Variants in PCDH7 observed in about 807,000 individuals in gnomAD.
PCDH7 encodes protocadherin 7.
In PCDH7, 17 loss-of-function variants were observed where a neutral mutation model predicts 58.9. The observed-to-expected ratio is 0.29, with a 90% CI of 0.20 to 0.43. PCDH7 has a LOEUF of 0.43. Ranked by LOEUF, PCDH7 falls within the 20% of genes least tolerant of loss-of-function variation. The probability of loss-of-function intolerance (pLI) is 1.00; values close to 1 mark genes in which losing one functional copy is unlikely to be tolerated. For synonymous variants in PCDH7, 664 were observed against 616.4 expected (o/e 1.08, Z -1.14); for missense variants, 1,274 against 1,441.0 (o/e 0.88, Z 1.88).
intron 3 of PCDH7, among the ~76,000 whole-genome samples, chr4:30,967,393 G>A (rs1165285840): frequency 1.3e-5 from 2 of 152,044 alleles, no homozygotes; most frequent in Non-Finnish European, 1.5e-5. Flanking sequence ...AGCAATTCTC[G>A]TGGTTGATAT....
At chr4:30,831,771 T>A (rs1729815868) in intron 1 of PCDH7, among the ~76,000 whole-genome samples, 1 of 152,146 alleles carries the variant, frequency 6.6e-6, no homozygotes, top group African/African-American at 2.4e-5. Flanking sequence ...GAATCTCATC[T>A]GTAAAATGGG....
At chr4:30,734,027 G>T (rs1348060737), downstream of PCDH7, among the ~76,000 whole-genome samples, 1 of 151,584 alleles carries the variant, frequency 6.6e-6, no homozygotes, top group Non-Finnish European at 1.5e-5. Context: ...CAAGAATTAG[G>T]CAAATCACTT....
At chr4:30,850,398 A>G (rs575393051) in intron 1 of PCDH7, among the ~76,000 whole-genome samples, 57 of 152,206 alleles carry the variant, frequency 3.7e-4, no homozygotes, top group Non-Finnish European at 8.1e-4. Context: ...ACCAAGCCAT[A>G]GACTATTTGT....
At chr4:31,056,468 A>AAAGAAAGAAG (rs1757208889) in intron 3 of PCDH7, among the ~76,000 whole-genome samples, 1 of 127,662 alleles carries the variant, frequency 7.8e-6, no homozygotes, top group Non-Finnish European at 1.7e-5. Context: ...GAAGAAAGAA[A>AAAGAAAGAAG]GAAAGAAAGA....
At chr4:31,106,072 G>A (rs1381512254) in intron 3 of PCDH7, among the ~76,000 whole-genome samples, 2 of 151,520 alleles carry the variant, frequency 1.3e-5, no homozygotes, top group Non-Finnish European at 2.9e-5. Context: ...AGTATTGTAT[G>A]TAACAGGAGT....
chr4:30,778,128 T>G (rs1288334192), intron 1 of PCDH7, among the ~76,000 whole-genome samples: 1 of 152,140 alleles, frequency 6.6e-6, no homozygotes, highest in South Asian at 2.1e-4. Context: ...CCCTGTAGTG[T>G]TCTGTTGTCT....
chr4:30,963,543 T>G (rs1221350840), intron 3 of PCDH7, among the ~76,000 whole-genome samples: 4 of 152,064 alleles, frequency 2.6e-5, no homozygotes, highest in South Asian at 2.1e-4. Context: ...TGCTAAATGT[T>G]AGATTGAATT....
At chr4:30,758,410 A>G (rs941931117) in intron 1 of PCDH7, among the ~76,000 whole-genome samples, 4 of 152,188 alleles carry the variant, frequency 2.6e-5, no homozygotes, top group African/African-American at 9.6e-5. Flanking sequence ...CCATTGGAAG[A>G]CTGGCAGACA....
In PCDH7 at chr4:30,721,442, C is replaced by A; in HGVS notation, c.20C>A (p.Ala7Glu). 1 of 1,531,026 alleles carries A rather than the reference C, an allele frequency of 6.5e-7. No individual in the cohort carries two copies. The highest frequency in any genetic ancestry group is 8.8e-7 in the Non-Finnish European group (1 of 1,142,500). 94.8% of individuals were successfully genotyped at this position (1,531,026 alleles called of 1,614,324 possible). A position where few individuals can be genotyped will look rare whatever the true frequency, so the allele number is the denominator to read the frequency against. ...GAGAAGATGCTGAGGATGCGGACCG[C>A]GGGATGGGCGCGCGGCTGGTGCTTG... is the stretch of plus-strand genomic sequence containing the variant. The change falls in exon 1 of 2, where the codon GCG (alanine) becomes GAG (glutamate). Residue 7 changes from alanine to glutamate, a missense_variant. Physicochemically the swap from Ala to Glu is moderately radical, Grantham distance 107 (BLOSUM62 -1). This residue lies in a region of PCDH7 where 212 missense variants were observed against 255.8 expected (regional missense o/e 0.83). Coordinates refer to ENST00000361762, the Ensembl canonical transcript of PCDH7. This position sits in a 1 kb window ranked among gnomAD's most constrained non-coding sequence, Gnocchi z 6.7.
At chr4:30,812,532 C>T (rs1727153516) in intron 1 of PCDH7, among the ~76,000 whole-genome samples, 1 of 151,970 alleles carries the variant, frequency 6.6e-6, no homozygotes, top group South Asian at 2.1e-4. Context: ...AATCCAAATT[C>T]AACAGTGAAT....
intron 3 of PCDH7, among the ~76,000 whole-genome samples, chr4:31,116,762 G>A (rs554880180): frequency 6.6e-6 from 1 of 152,286 alleles, no homozygotes; most frequent in African/African-American, 2.4e-5. Context: ...TGTGTATGTA[G>A]CACTATACCA....
At chr4:30,880,229 G>T (rs1736791211) in intron 1 of PCDH7, among the ~76,000 whole-genome samples, 2 of 151,524 alleles carry the variant, frequency 1.3e-5, no homozygotes. Flanking sequence ...TTCCTCTAAG[G>T]GTCTTTAAGG....
chr4:30,846,930 C>G (rs375531735), intron 1 of PCDH7, among the ~76,000 whole-genome samples: 14 of 151,962 alleles, frequency 9.2e-5, no homozygotes, highest in Middle Eastern at 3.4e-3. Context: ...TGGAGACCAG[C>G]CTGGGCAACA....
Position 31,051,530 on chromosome 4 carries a change from T to A in PCDH7, c.*8-90943T>A, listed in dbSNP as rs2109221132. Among the ~76,000 whole-genome samples, 3 of 152,312 alleles carry A rather than the reference T, an allele frequency of 2.0e-5. No individual in the cohort carries two copies. In the South Asian group the frequency reaches 6.2e-4, roughly 32 times the overall value. On this transcript the variant is annotated intron_variant, in intron 3 of 3. Coordinates refer to the PCDH7 transcript ENST00000509759. Reference sequence around the variant, plus strand: ...ATGTAGGTTTTTAAAAATTGTTTCCTCATAGTTAGAAGTTGCCATTCTACA... The same window carrying A: ...ATGTAGGTTTTTAAAAATTGTTTCCACATAGTTAGAAGTTGCCATTCTACA...
intron 1 of PCDH7, among the ~76,000 whole-genome samples, chr4:30,894,409 G>A (rs1466847190): frequency 7.4e-6 from 1 of 135,266 alleles, no homozygotes; most frequent in Non-Finnish European, 1.5e-5. Context: ...TCAGTTGATT[G>A]GAAAGTGGTA....
chr4:30,982,821 G>A (rs60907125), intron 3 of PCDH7, among the ~76,000 whole-genome samples: 26,026 of 152,060 alleles, frequency 0.17, 2,797 homozygotes, highest in South Asian at 0.27. Flanking sequence ...AAGAACACTT[G>A]AATCTACTTC....
chr4:31,134,415 G>A (rs1396746729), intron 3 of PCDH7, among the ~76,000 whole-genome samples: 1 of 152,090 alleles, frequency 6.6e-6, no homozygotes, highest in Non-Finnish European at 1.5e-5. Context: ...AGCCAAGATT[G>A]TGCCACTGCA....
intron 3 of PCDH7, among the ~76,000 whole-genome samples, chr4:31,056,615 GTGAAAGAC>G (rs1757270489): frequency 6.8e-6 from 1 of 147,862 alleles, no homozygotes; most frequent in African/African-American, 2.5e-5. Flanking sequence ...GAGAGAGAGA[GTGAAAGAC>G]AGAGAGAGAG....
At chr4:30,939,760 G>A (rs954237887) in intron 2 of PCDH7, among the ~76,000 whole-genome samples, 2 of 152,006 alleles carry the variant, frequency 1.3e-5, no homozygotes, top group Non-Finnish European at 2.9e-5. Flanking sequence ...GATCTCAAAA[G>A]CAGGAATCAC....
Sources: allele counts gnomAD v4.1 joint callset (sites outside exome capture counted in the v4.1 genomes callset), GRCh38; gene constraint gnomAD v4.1.1; regional missense constraint gnomAD v4.1.1; non-coding constraint Gnocchi (gnomAD v3.1); transcripts MANE v1.5; gene names NCBI Gene and HGNC (gene_info 2026-07-23, HGNC 2026-07-21).